NRG1: variants seen among roughly 807,000 people sequenced by gnomAD.
The protein encoded by NRG1 is pro-neuregulin-1, membrane-bound isoform.
A neutral mutation model predicts 63.8 loss-of-function variants in NRG1; 18 were observed. The observed-to-expected ratio is 0.28, with a 90% CI of 0.19 to 0.42. NRG1 has a LOEUF of 0.42. Among genes scored for constraint, NRG1 ranks in the 10% least tolerant of loss-of-function variants. The probability of loss-of-function intolerance (pLI) is 1.00; values close to 1 mark genes in which losing one functional copy is unlikely to be tolerated. For missense variants in NRG1, 762 were observed against 814.7 expected (o/e 0.94, Z 0.79); for synonymous variants, 302 against 301.3 (o/e 1.00, Z -0.02).
intron 1 of NRG1, among the ~76,000 whole-genome samples, chr8:32,303,788 AAC>A (rs1262182186): frequency 6.6e-6 from 1 of 152,252 alleles, no homozygotes; most frequent in Non-Finnish European, 1.5e-5. Flanking sequence ...GTCTAATATT[AAC>A]ACAGTTTTTG....
intron 1 of NRG1, among the ~76,000 whole-genome samples, chr8:32,242,125 C>T (rs1039550248): frequency 1.3e-5 from 2 of 151,964 alleles, no homozygotes; most frequent in African/African-American, 4.8e-5. Context: ...CTCTAGTTTC[C>T]CCATATGTAA....
At chr8:32,412,185 A>G (rs891882961) in intron 1 of NRG1, among the ~76,000 whole-genome samples, 1 of 152,092 alleles carries the variant, frequency 6.6e-6, no homozygotes, top group Non-Finnish European at 1.5e-5. Flanking sequence ...CTTCAAGCTC[A>G]AATGCAAATA....
intron 1 of NRG1, among the ~76,000 whole-genome samples, chr8:31,651,282 G>A (rs1420986478): frequency 6.6e-6 from 1 of 152,154 alleles, no homozygotes; most frequent in Non-Finnish European, 1.5e-5. Flanking sequence ...AAATATGATT[G>A]CCTCTGCAAG....
At chr8:31,793,889 C>T (rs1184978243) in intron 1 of NRG1, among the ~76,000 whole-genome samples, 1 of 152,096 alleles carries the variant, frequency 6.6e-6, no homozygotes, top group Admixed American at 6.6e-5. Context: ...CTCCCTTCCT[C>T]CTTCCATCTC....
chr8:32,754,301 A>G, intron 7 of NRG1, 71 bp from the exon 8 acceptor site: 3 of 1,277,992 alleles, frequency 2.3e-6, no homozygotes, highest in South Asian at 1.2e-5. Context: ...CAGCATGCCC[A>G]CTGTTTGGTT....
chr8:32,538,950 T>A lies in NRG1; in HGVS notation c.38-56878T>A, dbSNP rs148973077. Among the ~76,000 whole-genome samples the A allele has an allele frequency of 5.0e-3, 764 of 152,158 alleles. 5 individuals carry two copies. Among genetic ancestry groups the A allele is most frequent in the Non-Finnish European group, 6.7e-3 (453 of 67,998 alleles). On this transcript the variant is annotated intron_variant, in intron 1 of 10. Transcript: ENST00000519301. ...CAGTCACTGGTTCCCTTTGGGAACA[T>A]CAGGAAAAAACAGAAGAGGAAAGTT...
At chr8:32,658,876 C>T (rs1416299090) in intron 5 of NRG1, among the ~76,000 whole-genome samples, 3 of 152,188 alleles carry the variant, frequency 2.0e-5, no homozygotes, top group Non-Finnish European at 4.4e-5. Context: ...GTGAGATTCT[C>T]TCCTTGAGGA....
intron 1 of NRG1, among the ~76,000 whole-genome samples, chr8:32,304,400 C>G (rs1046410057): frequency 3.3e-5 from 5 of 152,026 alleles, no homozygotes; most frequent in Non-Finnish European, 5.9e-5. Flanking sequence ...AATTTGAAAA[C>G]TCCAATTGTG....
intron 1 of NRG1, among the ~76,000 whole-genome samples, chr8:31,646,240 A>T (rs1398086931): frequency 6.6e-6 from 1 of 152,240 alleles, no homozygotes; most frequent in African/African-American, 2.4e-5. Context: ...CTTGCTGGGA[A>T]CAAGAAAACA....
chr8:31,945,578 A>G (rs1206266958), intron 1 of NRG1, among the ~76,000 whole-genome samples: 1 of 152,060 alleles, frequency 6.6e-6, no homozygotes, highest in African/African-American at 2.4e-5. Context: ...GGAGCCTGTA[A>G]AAGTTAGATT....
At chr8:32,493,172 A>G (rs541130891) in intron 1 of NRG1, among the ~76,000 whole-genome samples, 1 of 152,232 alleles carries the variant, frequency 6.6e-6, no homozygotes, top group African/African-American at 2.4e-5. Context: ...AGCTTCAGAT[A>G]TTTATTGTAA....
intron 1 of NRG1, among the ~76,000 whole-genome samples, chr8:31,821,791 G>C (rs932885231): frequency 6.6e-6 from 1 of 152,088 alleles, no homozygotes; most frequent in African/African-American, 2.4e-5. Flanking sequence ...CAGGAAGCAT[G>C]AATTCTCACT....
intron 5 of NRG1, among the ~76,000 whole-genome samples, chr8:32,678,066 T>G (rs1435967572): frequency 6.6e-6 from 1 of 152,240 alleles, no homozygotes; most frequent in African/African-American, 2.4e-5. Flanking sequence ...ATTATATTAC[T>G]GACAAATGCT....
chr8:31,830,326 C>T (rs1394112624), intron 1 of NRG1, among the ~76,000 whole-genome samples: 5 of 92,628 alleles, frequency 5.4e-5, no homozygotes, highest in Non-Finnish European at 1.1e-4. Context: ...TCCTTCCTTC[C>T]TTCCTTCCTT....
intron 1 of NRG1, among the ~76,000 whole-genome samples, chr8:32,333,032 C>A (rs1468029756): frequency 6.6e-6 from 1 of 152,176 alleles, no homozygotes; most frequent in Non-Finnish European, 1.5e-5. Flanking sequence ...CACCTACCCA[C>A]ACCCATACAC....
intron 1 of NRG1, among the ~76,000 whole-genome samples, chr8:31,791,286 G>A (rs964765260): frequency 2.0e-5 from 3 of 151,858 alleles, no homozygotes; most frequent in Non-Finnish European, 4.4e-5. Flanking sequence ...ACTCAGATCA[G>A]TTGATAGTAC....
intron 1 of NRG1, among the ~76,000 whole-genome samples, chr8:32,461,453 C>A (rs1274017862): frequency 6.6e-6 from 1 of 152,096 alleles, no homozygotes; most frequent in Non-Finnish European, 1.5e-5. Flanking sequence ...AATCCCAGCA[C>A]TTTGGGAGGC....
Position 31,786,586 on chromosome 8 carries a change from G to C in NRG1, c.37+147155G>C, listed in dbSNP as rs541452459. 1.5e-4 allele frequency among the ~76,000 whole-genome samples: 23 copies of C among 152,308 alleles called. 1 individual carries two copies. The East Asian group carries it at 4.4e-3, about 29-fold the overall frequency. On this transcript the variant is annotated intron_variant, in intron 1 of 10. Coordinates refer to the NRG1 transcript ENST00000519301. ...ACAAGCTCCAGTTTGTTGCGTCTGT[G>C]CTTCCAGCCAGCTGGCTATAAATTG...
chr8:31,944,681 T>C (rs1293120708), intron 1 of NRG1, among the ~76,000 whole-genome samples: 1 of 151,808 alleles, frequency 6.6e-6, no homozygotes, highest in Non-Finnish European at 1.5e-5. Context: ...ATACACCTGA[T>C]ACACTCTCAT....
Sources: gnomAD v4.1 joint callset for allele counts (sites outside exome capture counted in the v4.1 genomes callset) on GRCh38, gnomAD v4.1.1 for gene constraint, MANE v1.5 for transcripts, NCBI Gene and HGNC (gene_info 2026-07-23, HGNC 2026-07-21) for gene names.